ADAMTSL1: variants seen among roughly 807,000 people sequenced by gnomAD.
The protein encoded by ADAMTSL1 is ADAMTS like 1, also known as ADAMTS-like protein 1.
A neutral mutation model predicts 201.8 loss-of-function variants in ADAMTSL1; 126 were observed. The ratio of observed to expected loss-of-function variants is 0.62; its 90% confidence interval spans 0.54 to 0.72. The LOEUF is 0.72. ADAMTSL1 is among the 30% of genes least tolerant of loss of function. The pLI is 0.00. For missense variants in ADAMTSL1, 2,679 were observed against 2,277.8 expected (o/e 1.18, Z -3.59); for synonymous variants, 1,121 against 903.4 (o/e 1.24, Z -4.32).
chr9:18,789,659 G>A (rs573343882), intron 19 of ADAMTSL1, among the ~76,000 whole-genome samples: 2 of 152,238 alleles, frequency 1.3e-5, no homozygotes, highest in African/African-American at 4.8e-5. Context: ...GCTTCGTAGT[G>A]GAGTTTTAAC....
intron 1 of ADAMTSL1, among the ~76,000 whole-genome samples, chr9:17,940,809 C>CCA (rs1253804244): frequency 1.6e-5 from 1 of 64,302 alleles, no homozygotes; most frequent in Admixed American, 1.8e-4. Context: ...AACACCCCCC[C>CCA]CCCAAAAAAA....
chr9:18,703,161 A>G (rs1832023436), intron 13 of ADAMTSL1, among the ~76,000 whole-genome samples: 1 of 152,166 alleles, frequency 6.6e-6, no homozygotes. Context: ...ATTTCCCTCT[A>G]TTTTAAAGGT....
chr9:18,638,020 G>A (rs1433916146), intron 6 of ADAMTSL1, among the ~76,000 whole-genome samples: 1 of 152,118 alleles, frequency 6.6e-6, no homozygotes, highest in Non-Finnish European at 1.5e-5. Context: ...AGGAGATTTA[G>A]TGCAGTTGCT....
At chr9:18,578,760 G>C (rs368155162) in intron 4 of ADAMTSL1, among the ~76,000 whole-genome samples, 217 of 151,628 alleles carry the variant, frequency 1.4e-3, no homozygotes, top group African/African-American at 4.8e-3. Flanking sequence ...GGGATGGCTG[G>C]GTCAAATGGT....
chr9:18,353,059 G>A (rs938866597), intron 2 of ADAMTSL1, among the ~76,000 whole-genome samples: 2 of 152,186 alleles, frequency 1.3e-5, no homozygotes, highest in South Asian at 4.1e-4. Context: ...AAAGCATTAA[G>A]TCCCCCATTC....
At chr9:18,736,890 C>G (rs1399136943) in intron 15 of ADAMTSL1, among the ~76,000 whole-genome samples, 2 of 152,160 alleles carry the variant, frequency 1.3e-5, no homozygotes, top group South Asian at 2.1e-4. Context: ...TAATTATTTG[C>G]TACTTACCAC....
chr9:18,524,190 C>T (rs191834983), intron 2 of ADAMTSL1, among the ~76,000 whole-genome samples: 9 of 152,240 alleles, frequency 5.9e-5, no homozygotes, highest in Non-Finnish European at 1.3e-4. Context: ...AGGTATTATT[C>T]TTTCTGAAGC....
At chr9:18,290,781 G>GTTTTTTTTT (rs71492936) in intron 2 of ADAMTSL1, among the ~76,000 whole-genome samples, 2 of 135,066 alleles carry the variant, frequency 1.5e-5, no homozygotes, top group African/African-American at 6.2e-5. Flanking sequence ...TTTTTTGTGT[G>GTTTTTTTTT]TTTTTTTTTT....
intron 15 of ADAMTSL1, chr9:18,723,456 C>T (rs896645334): frequency 6.5e-5 from 17 of 260,562 alleles, no homozygotes; most frequent in African/African-American, 2.2e-4. Flanking sequence ...AGCACCAAAA[C>T]GAATAGGACA....
chr9:18,295,164 T>G (rs1306265937), intron 2 of ADAMTSL1, among the ~76,000 whole-genome samples: 1 of 152,068 alleles, frequency 6.6e-6, no homozygotes, highest in Non-Finnish European at 1.5e-5. Context: ...CCACGCAACT[T>G]TGCAACCCAA....
At chr9:18,222,304 T>G (rs1830290034) in intron 2 of ADAMTSL1, among the ~76,000 whole-genome samples, 1 of 151,866 alleles carries the variant, frequency 6.6e-6, no homozygotes, top group African/African-American at 2.4e-5. Flanking sequence ...TGGATTCATA[T>G]TTTCATAATT....
intron 2 of ADAMTSL1, among the ~76,000 whole-genome samples, chr9:18,175,177 T>C (rs1245455557): frequency 6.6e-6 from 1 of 152,202 alleles, no homozygotes; most frequent in Non-Finnish European, 1.5e-5. Context: ...AGGCAAGTCA[T>C]AGAACTCTTT....
intron 2 of ADAMTSL1, among the ~76,000 whole-genome samples, chr9:18,412,413 T>G (rs981547079): frequency 6.6e-6 from 1 of 152,228 alleles, no homozygotes; most frequent in Non-Finnish European, 1.5e-5. Flanking sequence ...TATTATTTCA[T>G]TACTGGTTGT....
At chr9:18,199,669 A>G (rs1274219917) in intron 2 of ADAMTSL1, among the ~76,000 whole-genome samples, 2 of 152,142 alleles carry the variant, frequency 1.3e-5, no homozygotes, top group African/African-American at 4.8e-5. Flanking sequence ...AAAATGTAGC[A>G]TTAAATAAGC....
chr9:18,131,601 T>C (rs917495000), intron 1 of ADAMTSL1, among the ~76,000 whole-genome samples: 5 of 152,218 alleles, frequency 3.3e-5, no homozygotes, highest in African/African-American at 7.2e-5. Flanking sequence ...TAGTCTTCCA[T>C]AGACTGACAA....
At chr9:18,589,206 T>C (rs1341684846) in intron 4 of ADAMTSL1, among the ~76,000 whole-genome samples, 2 of 152,106 alleles carry the variant, frequency 1.3e-5, no homozygotes, top group Non-Finnish European at 2.9e-5. Context: ...TTCTAATCCA[T>C]CAACATGGAA....
intron 1 of ADAMTSL1, among the ~76,000 whole-genome samples, chr9:18,055,275 T>C (rs1822128513): frequency 6.6e-6 from 1 of 152,204 alleles, no homozygotes; most frequent in Non-Finnish European, 1.5e-5. Flanking sequence ...ATATAAGACC[T>C]TGGGCCTCAC....
chr9:18,519,860 C>A (rs151238593), intron 2 of ADAMTSL1, among the ~76,000 whole-genome samples: 4 of 152,160 alleles, frequency 2.6e-5, no homozygotes, highest in African/African-American at 7.2e-5. Flanking sequence ...CTGGGCATGA[C>A]CTTTATGGTC....
intron 2 of ADAMTSL1, among the ~76,000 whole-genome samples, chr9:18,281,168 AGATATAATAAGCAAAT>A (rs1436491260): frequency 3.3e-5 from 5 of 152,210 alleles, no homozygotes; most frequent in East Asian, 1.9e-4. Context: ...ATGGCAATGC[AGATATAATAAGCAAAT>A]GATATAATAA....
Sources: gnomAD v4.1 joint callset for allele counts (sites outside exome capture counted in the v4.1 genomes callset) on GRCh38, gnomAD v4.1.1 for gene constraint, MANE v1.5 for transcripts, NCBI Gene and HGNC (gene_info 2026-07-23, HGNC 2026-07-21) for gene names.